Variants in POPDC1 observed in about 807,000 individuals in gnomAD.
POPDC1 encodes the protein popeye domain cAMP effector 1, also known as popeye domain-containing protein 1.
chr6:105,115,702 G>T, the POPDC1 span: 1 of 1,614,118 alleles, frequency 6.2e-7, no homozygotes, highest in Non-Finnish European at 8.5e-7. Context: ...AGGACATGCT[G>T]GAGGTACCCC....
At chr6:105,126,666 C>T in the POPDC1 span, among the ~76,000 whole-genome samples, 2 of 152,094 alleles carry the variant, frequency 1.3e-5, no homozygotes, top group South Asian at 4.1e-4. Context: ...TTAAATATGG[C>T]AGCAAGAAAA....
the POPDC1 span, among the ~76,000 whole-genome samples, chr6:105,117,138 C>T: frequency 6.6e-6 from 1 of 152,176 alleles, no homozygotes; most frequent in Non-Finnish European, 1.5e-5. Context: ...AGAATGGCCA[C>T]TGTATTGATA....
the POPDC1 span, among the ~76,000 whole-genome samples, chr6:105,117,241 C>A: frequency 4.3e-4 from 66 of 152,028 alleles, no homozygotes; most frequent in Middle Eastern, 3.2e-3. Context: ...CAATGAAGTT[C>A]AAAAATACAG....
At chr6:105,119,057 C>T in the POPDC1 span, among the ~76,000 whole-genome samples, 1 of 151,750 alleles carries the variant, frequency 6.6e-6, no homozygotes. Context: ...TGGTGGCAGG[C>T]GCCTGTAATC....
chr6:105,125,645 G>A, the POPDC1 span: 160 of 1,464,062 alleles, frequency 1.1e-4, no homozygotes, highest in Non-Finnish European at 1.5e-4. Flanking sequence ...GACTTCTGTG[G>A]TCTAAATATG....
the POPDC1 span, among the ~76,000 whole-genome samples, chr6:105,132,510 G>C: frequency 2.0e-5 from 3 of 151,968 alleles, no homozygotes; most frequent in African/African-American, 4.8e-5. Flanking sequence ...CATCTGATAC[G>C]CCATACTGGG....
chr6:105,133,255 T>G, the POPDC1 span: 9 of 1,076,148 alleles, frequency 8.4e-6, no homozygotes, highest in Non-Finnish European at 1.1e-5. Context: ...TTTGGCTTGC[T>G]ATGGGCCTGA....
At chr6:105,132,461 C>T in the POPDC1 span, among the ~76,000 whole-genome samples, 20 of 152,164 alleles carry the variant, frequency 1.3e-4, no homozygotes, top group Non-Finnish European at 2.2e-4. Context: ...TCACCTTCTC[C>T]GTGTCCCCCT....
At chr6:105,129,291 C>T in the POPDC1 span, 14 of 1,159,356 alleles carry the variant, frequency 1.2e-5, no homozygotes, top group Non-Finnish European at 1.5e-5. Context: ...ACTAAATATG[C>T]TAGATACTTA....
chr6:105,100,883 G>A, the POPDC1 span: 1 of 419,796 alleles, frequency 2.4e-6, no homozygotes, highest in Non-Finnish European at 4.1e-6. Context: ...AGAAGGCTCA[G>A]TAAAACAATT....
At chr6:105,129,333 T>C in the POPDC1 span, 1 of 1,494,528 alleles carries the variant, frequency 6.7e-7, no homozygotes, top group Non-Finnish European at 9.1e-7. Context: ...CCTTTCAAAG[T>C]TTTAGCTTTA....
the POPDC1 span, chr6:105,098,200 A>G: frequency 6.6e-6 from 1 of 152,246 alleles, no homozygotes; most frequent in Non-Finnish European, 1.5e-5. Flanking sequence ...TATGCATTAT[A>G]CAAAGATACA....
chr6:105,108,801 G>C, the POPDC1 span, among the ~76,000 whole-genome samples: 25 of 152,178 alleles, frequency 1.6e-4, no homozygotes, highest in Non-Finnish European at 3.7e-4. Context: ...TCTCAACATT[G>C]TTTATTTGTC....
the POPDC1 span, among the ~76,000 whole-genome samples, chr6:105,127,692 T>A: frequency 6.6e-6 from 1 of 151,922 alleles, no homozygotes; most frequent in Non-Finnish European, 1.5e-5. Context: ...AACCTAGGCC[T>A]CCCAAAGTGC....
chr6:105,131,045 CCA>C, the POPDC1 span, among the ~76,000 whole-genome samples: 1 of 152,006 alleles, frequency 6.6e-6, no homozygotes, highest in Admixed American at 6.6e-5. Context: ...TAAAATATCC[CCA>C]GTTTCTTTTG....
chr6:105,124,509 C>A, the POPDC1 span: 1 of 1,365,858 alleles, frequency 7.3e-7, no homozygotes, highest in Non-Finnish European at 1.0e-6. Flanking sequence ...GAGATGCAAA[C>A]TAGTTTCAAT....
At chr6:105,104,711 G>A in the POPDC1 span, among the ~76,000 whole-genome samples, 1 of 152,238 alleles carries the variant, frequency 6.6e-6, no homozygotes, top group Non-Finnish European at 1.5e-5. Context: ...ACACTGCTTA[G>A]GGCATGGACA....
the POPDC1 span, chr6:105,100,919 G>A: frequency 1.7e-6 from 1 of 594,126 alleles, no homozygotes; most frequent in Non-Finnish European, 2.6e-6. Context: ...TAATAAAAAG[G>A]GTAAGTGAAA....
At chr6:105,133,323 T>C in the POPDC1 span, 1 of 1,554,070 alleles carries the variant, frequency 6.4e-7, no homozygotes, top group South Asian at 1.2e-5. Flanking sequence ...TACAGAAAAG[T>C]TACATAAAGT....
Sources: gnomAD v4.1 joint callset for allele counts (sites outside exome capture counted in the v4.1 genomes callset) on GRCh38, gnomAD v4.1.1 for gene constraint, MANE v1.5 for transcripts, NCBI Gene and HGNC (gene_info 2026-07-23, HGNC 2026-07-21) for gene names.